Variants in DOCK2 observed in about 807,000 individuals in gnomAD.
DOCK2 encodes the protein dedicator of cytokinesis protein 2.
A neutral mutation model predicts 248.9 loss-of-function variants in DOCK2; 87 were observed. That is an observed-to-expected ratio of 0.35 (90% CI 0.29 to 0.42). The LOEUF is 0.42. Ranked by LOEUF, DOCK2 falls within the 10% of genes least tolerant of loss-of-function variation. The pLI is 1.00. For synonymous variants in DOCK2, 805 were observed against 821.6 expected (o/e 0.98, Z 0.35); for missense variants, 1,747 against 2,300.2 (o/e 0.76, Z 4.92).
chr5:169,760,468 A>G (rs1764426963), intron 24 of DOCK2, among the ~76,000 whole-genome samples: 1 of 152,200 alleles, frequency 6.6e-6, no homozygotes, highest in South Asian at 2.1e-4. Flanking sequence ...TAACATGGAT[A>G]CAGTTATTTT....
At chr5:169,754,202 G>T (rs1230219967) in intron 23 of DOCK2, among the ~76,000 whole-genome samples, 1 of 152,132 alleles carries the variant, frequency 6.6e-6, no homozygotes, top group African/African-American at 2.4e-5. Flanking sequence ...GAGTTTGGAG[G>T]CATCCTAGTC....
intron 27 of DOCK2, among the ~76,000 whole-genome samples, chr5:169,928,884 G>T (rs1775607948): frequency 6.6e-6 from 1 of 152,168 alleles, no homozygotes; most frequent in Non-Finnish European, 1.5e-5. Flanking sequence ...TCTATGCCCT[G>T]GGTGTTTCTG....
chr5:170,039,230 C>T (rs1039187972), intron 36 of DOCK2, among the ~76,000 whole-genome samples: 1 of 152,126 alleles, frequency 6.6e-6, no homozygotes, highest in Non-Finnish European at 1.5e-5. Flanking sequence ...GGAAGCTCTC[C>T]CAACTCATCC....
chr5:169,649,039 C>T (rs1757645633), intron 1 of DOCK2, among the ~76,000 whole-genome samples: 1 of 152,214 alleles, frequency 6.6e-6, no homozygotes, highest in South Asian at 2.1e-4. Context: ...AACACCTGTC[C>T]AGAGACTTCA....
rs148500341 is a variant in DOCK2 at position 169,647,419 on chromosome 5, C to G, written c.44-6984C>G. 2.0e-5 allele frequency among the ~76,000 whole-genome samples: 3 copies of G among 152,196 alleles called. No homozygotes were observed. In the East Asian group the frequency reaches 5.8e-4, roughly 29 times the overall value. On this transcript the variant is annotated intron_variant, in intron 1 of 51. Transcript: ENST00000520908. The stretch of plus-strand genomic sequence containing the variant: ...TAAGAGTTGGAGGTTTTAAAATTTT[C>G]TGGTGGCCTTATAGGATTCAGATGG...
At chr5:169,965,198 T>A (rs1165998248) in intron 27 of DOCK2, among the ~76,000 whole-genome samples, 2 of 152,200 alleles carry the variant, frequency 1.3e-5, no homozygotes, top group Non-Finnish European at 1.5e-5. Flanking sequence ...ACCCACTGTG[T>A]GCTAAGGCAA....
chr5:169,907,099 A>G (rs1055441761), intron 27 of DOCK2, among the ~76,000 whole-genome samples: 1 of 152,138 alleles, frequency 6.6e-6, no homozygotes, highest in African/African-American at 2.4e-5. Flanking sequence ...GGTTTTAGGA[A>G]CGCCAGTTGA....
intron 27 of DOCK2, among the ~76,000 whole-genome samples, chr5:169,969,421 G>A (rs924173248): frequency 6.6e-6 from 1 of 152,240 alleles, no homozygotes; most frequent in Admixed American, 6.5e-5. Flanking sequence ...CTCCAGCCTG[G>A]GTGACAGAGT....
chr5:169,924,920 A>AGT (rs1180214662), intron 27 of DOCK2, among the ~76,000 whole-genome samples: 2 of 152,132 alleles, frequency 1.3e-5, no homozygotes, highest in Non-Finnish European at 2.9e-5. Context: ...TGAAAATGGG[A>AGT]GTGTGTGTCC....
intron 27 of DOCK2, among the ~76,000 whole-genome samples, chr5:169,972,582 TA>T (rs1449985981): frequency 0.16 from 9,257 of 59,326 alleles, 296 homozygotes; most frequent in Admixed American, 0.2. Context: ...GATAGATAGA[TA>T]GATGATAGAT....
intron 44 of DOCK2, among the ~76,000 whole-genome samples, chr5:170,064,339 A>G (rs961103634): frequency 3.3e-5 from 5 of 152,144 alleles, no homozygotes; most frequent in African/African-American, 1.2e-4. Flanking sequence ...GAATCCAAAT[A>G]ATGCTCATGA....
At chr5:169,878,644 A>G (rs1348783429) in intron 27 of DOCK2, among the ~76,000 whole-genome samples, 1 of 152,234 alleles carries the variant, frequency 6.6e-6, no homozygotes, top group Admixed American at 6.5e-5. Flanking sequence ...GGATTGAAAT[A>G]AATTTGAAAA....
chr5:170,013,688 C>A (rs894179553), intron 32 of DOCK2, among the ~76,000 whole-genome samples: 2 of 152,062 alleles, frequency 1.3e-5, no homozygotes, highest in African/African-American at 2.4e-5. Flanking sequence ...CATGCAACCC[C>A]TTTTAGGCTT....
At chr5:169,958,303 A>G (rs1776948601) in intron 27 of DOCK2, among the ~76,000 whole-genome samples, 1 of 152,184 alleles carries the variant, frequency 6.6e-6, no homozygotes, top group African/African-American at 2.4e-5. Context: ...TCTATTAGAT[A>G]TGGTCTTTGC....
intron 9 of DOCK2, among the ~76,000 whole-genome samples, chr5:169,694,287 G>A (rs1246129148): frequency 2.0e-5 from 3 of 152,220 alleles, no homozygotes; most frequent in African/African-American, 7.2e-5. Context: ...TTTGAGACCT[G>A]GCCCAGGGTA....
At chr5:169,727,909 G>A (rs1240858024) in intron 22 of DOCK2, among the ~76,000 whole-genome samples, 1 of 152,208 alleles carries the variant, frequency 6.6e-6, no homozygotes, top group East Asian at 1.9e-4. Flanking sequence ...TACTGGGGAA[G>A]AAAGGTTAGT....
intron 44 of DOCK2, among the ~76,000 whole-genome samples, chr5:170,067,165 C>T (rs1209625888): frequency 6.6e-6 from 1 of 152,200 alleles, no homozygotes; most frequent in Admixed American, 6.5e-5. Context: ...CAATAACTCA[C>T]ACATAGTATC....
intron 1 of DOCK2, among the ~76,000 whole-genome samples, chr5:169,645,943 G>A (rs1757433510): frequency 6.6e-6 from 1 of 151,930 alleles, no homozygotes; most frequent in African/African-American, 2.4e-5. Flanking sequence ...TAGAGACGGG[G>A]TTTCACCGTG....
chr5:169,779,002 A>C (rs1022207279), intron 25 of DOCK2, among the ~76,000 whole-genome samples: 1 of 151,976 alleles, frequency 6.6e-6, no homozygotes, highest in Admixed American at 6.6e-5. Context: ...GGCTCTGATG[A>C]GGGATGTTGA....
Sources: gnomAD v4.1 joint callset for allele counts (sites outside exome capture counted in the v4.1 genomes callset) on GRCh38, gnomAD v4.1.1 for gene constraint, MANE v1.5 for transcripts, NCBI Gene and HGNC (gene_info 2026-07-23, HGNC 2026-07-21) for gene names.